PLSCR5: variants seen among roughly 807,000 people sequenced by gnomAD.
The protein encoded by PLSCR5 is phospholipid scramblase family, member 5.
Under a neutral mutation model 33.6 loss-of-function variants are expected in PLSCR5, and 44 were observed. The observed-to-expected ratio is 1.31, with a 90% confidence interval of 1.03 to 1.69. The LOEUF is 1.69. Ranked by LOEUF, PLSCR5 falls within the 40% of genes most tolerant of loss-of-function variation. The pLI is 0.00. For missense variants in PLSCR5, 375 were observed against 318.7 expected, an observed-to-expected ratio of 1.18 and a Z score of -1.34; for synonymous variants, 148 against 112.3, an observed-to-expected ratio of 1.32 and a Z score of -2.01.
intron 1 of PLSCR5, 37 bp from the exon 2 acceptor site, chr3:146,600,500 T>A (rs1179388098): frequency 6.7e-7 from 1 of 1,502,308 alleles, no homozygotes; most frequent in Admixed American, 2.0e-5. Flanking sequence ...ATATTTAAAT[T>A]TAGGCCATTT....
At chr3:146,599,442 C>T (rs993340162) in intron 2 of PLSCR5, among the ~76,000 whole-genome samples, 1 of 151,942 alleles carries the variant, frequency 6.6e-6, no homozygotes, top group South Asian at 2.1e-4. Context: ...CCTCTCTCTC[C>T]TCTATACACC....
At chr3:146,591,365 T>C (rs1295823166) in intron 5 of PLSCR5, among the ~76,000 whole-genome samples, 1 of 152,064 alleles carries the variant, frequency 6.6e-6, no homozygotes, top group Non-Finnish European at 1.5e-5. Context: ...ATCAAAGAGA[T>C]ATAGTAGCTT....
intron 5 of PLSCR5, among the ~76,000 whole-genome samples, chr3:146,591,464 T>C (rs776264628): frequency 2.6e-5 from 4 of 152,024 alleles, no homozygotes; most frequent in Non-Finnish European, 5.9e-5. Flanking sequence ...ATACTTACAC[T>C]GGTCTATGAC....
chr3:146,604,560 C>A (rs368213452), intron 1 of PLSCR5, among the ~76,000 whole-genome samples: 9 of 151,926 alleles, frequency 5.9e-5, no homozygotes, highest in Non-Finnish European at 1.0e-4. Flanking sequence ...TCAATAATAA[C>A]GCATGTCAGA....
chr3:146,600,419 C>T lies in PLSCR5; in HGVS notation c.58G>A (p.Ala20Thr). 6 of 1,604,340 alleles carry T rather than the reference C, an allele frequency of 3.7e-6. No homozygotes were observed. Among genetic ancestry groups the T allele is most frequent in the Non-Finnish European group, 5.1e-6 (6 of 1,174,124 alleles). The change falls in exon 2 of 8, where the codon GCT becomes ACT. Residue 20 changes from alanine (A) to threonine (T), a missense_variant. Transcript: ENST00000443512. The part of the protein sequence containing the change: ...RRGLPGFLPG[A>T]PDPDQSLPAS... ...GGAAGGCTTTGGTCTGGGTCTGGAG[C>T]TCCAGGAAGAAAACCAGGCAGACCT... is the stretch of plus-strand genomic sequence containing the variant.
At chr3:146,589,912 ATT>A (rs1576818673) in intron 5 of PLSCR5, 98 bp from the exon 6 acceptor site, 1 of 722,906 alleles carries the variant, frequency 1.4e-6, no homozygotes, top group East Asian at 2.9e-5. Flanking sequence ...GAATTATTTT[ATT>A]TGTCATCTTC....
chr3:146,576,902 C>T lies in PLSCR5; in HGVS notation c.*45-177G>A, dbSNP rs528105932. ...AGTTTTGAAAGCCAAATTTTGAATC[C>T]GGAATTAAAAATAAAAGTTATACTA... is the stretch of plus-strand genomic sequence containing the variant. On this transcript the variant is annotated intron_variant, in intron 7 of 7. Coordinates refer to the PLSCR5 transcript ENST00000482567. 1.5e-4 allele frequency among the ~76,000 whole-genome samples: 23 copies of T among 151,498 alleles called. No homozygotes were observed. The South Asian group carries it at 3.5e-3, about 23-fold the overall frequency.
intron 4 of PLSCR5, among the ~76,000 whole-genome samples, chr3:146,592,464 G>T (rs548014957): frequency 2.2e-4 from 33 of 152,094 alleles, no homozygotes; most frequent in Middle Eastern, 3.4e-3. Context: ...GCATTATCCG[G>T]CATTACTTTA....
chr3:146,593,201 C>T (rs1490200523), intron 4 of PLSCR5, among the ~76,000 whole-genome samples: 1 of 152,082 alleles, frequency 6.6e-6, no homozygotes, highest in Non-Finnish European at 1.5e-5. Flanking sequence ...TAGTCACCTC[C>T]ACTCTCCTTC....
In PLSCR5 at chr3:146,605,192, A is replaced by T; in HGVS notation, c.13+8T>A. On this transcript the variant is annotated splice_region_variant and intron_variant, in intron 1 of 7. Coordinates refer to ENST00000443512, the MANE Select transcript of PLSCR5 (RefSeq NM_001085420.2). Reference sequence around the variant, plus strand: ...AAAAAGTTATTAGTTGGTTATATTTACTCTTACCTTTAGAGGCCATGAAGA... The same window carrying T: ...AAAAAGTTATTAGTTGGTTATATTTTCTCTTACCTTTAGAGGCCATGAAGA... 1 of 1,608,588 alleles carries T rather than the reference A, an allele frequency of 6.2e-7. No homozygotes were observed. Among genetic ancestry groups the T allele is most frequent in the Non-Finnish European group, 8.5e-7 (1 of 1,176,442 alleles).
downstream of PLSCR5, among the ~76,000 whole-genome samples, chr3:146,585,345 G>A (rs546677491): frequency 1.3e-5 from 2 of 152,036 alleles, no homozygotes; most frequent in East Asian, 3.9e-4. Context: ...GGTCTTAGAG[G>A]TCTATTTATA....
intron 2 of PLSCR5, among the ~76,000 whole-genome samples, chr3:146,596,520 A>G (rs1039006756): frequency 6.6e-6 from 1 of 152,180 alleles, no homozygotes; most frequent in African/African-American, 2.4e-5. Flanking sequence ...TCTGATATTC[A>G]GTACTTGAAG....
rs567919638 is a variant in PLSCR5, at chr3:146,590,268, T to C, written c.616-454A>G. ...AATTAAATTAATTTCTAGGCATAATTTGTAAACTTTCAAATTTCAGTTGCT... is the reference window on the plus strand; with the variant it reads ...AATTAAATTAATTTCTAGGCATAATCTGTAAACTTTCAAATTTCAGTTGCT... On this transcript the variant is annotated intron_variant, in intron 5 of 7. Coordinates refer to ENST00000443512, the MANE Select transcript of PLSCR5 (RefSeq NM_001085420.2). 3 of 152,330 alleles carry C rather than the reference T, an allele frequency of 2.0e-5. No homozygotes were observed. In the South Asian group the frequency reaches 6.2e-4, roughly 32 times the overall value. The allele number at this position is 152,330 out of a possible 1,614,324, so 9.4% of individuals were successfully genotyped here. A position where few individuals can be genotyped will look rare whatever the true frequency, so the allele number is the denominator to read the frequency against.
At chr3:146,588,752 AC>A (rs767323022) in intron 6 of PLSCR5, among the ~76,000 whole-genome samples, 1 of 152,128 alleles carries the variant, frequency 6.6e-6, no homozygotes, top group Non-Finnish European at 1.5e-5. Context: ...TTAGTGCCTG[AC>A]TTTGACAATA....
At chr3:146,588,632 T>G (rs187038694) in intron 6 of PLSCR5, among the ~76,000 whole-genome samples, 2 of 152,108 alleles carry the variant, frequency 1.3e-5, no homozygotes, top group East Asian at 3.9e-4. Context: ...TGTGACAAAA[T>G]GGACATACTT....
chr3:146,597,378 G>T, intron 2 of PLSCR5, among the ~76,000 whole-genome samples: 1 of 152,100 alleles, frequency 6.6e-6, no homozygotes, highest in East Asian at 1.9e-4. Flanking sequence ...CACCATCACA[G>T]AACTTGTAAA....
intron 7 of PLSCR5, among the ~76,000 whole-genome samples, chr3:146,578,666 T>C (rs763577973): frequency 4.6e-5 from 7 of 152,120 alleles, no homozygotes; most frequent in Admixed American, 3.9e-4. Context: ...AGATGAGAAA[T>C]GTTTGTAAGA....
At chr3:146,585,381 T>A (rs1412701718), downstream of PLSCR5, among the ~76,000 whole-genome samples, 5 of 152,044 alleles carry the variant, frequency 3.3e-5, no homozygotes, top group Non-Finnish European at 7.4e-5. Flanking sequence ...CTGGCATGAG[T>A]AGGTATTTAA....
At chr3:146,579,944 T>TG (rs1171637760) in intron 7 of PLSCR5, among the ~76,000 whole-genome samples, 1 of 152,180 alleles carries the variant, frequency 6.6e-6, no homozygotes, top group East Asian at 1.9e-4. Flanking sequence ...TGTGCCTTTG[T>TG]TTGTGCTGTG....
Sources: allele counts gnomAD v4.1 joint callset (sites outside exome capture counted in the v4.1 genomes callset), GRCh38; gene constraint gnomAD v4.1.1; transcripts MANE v1.5; gene names NCBI Gene and HGNC (gene_info 2026-07-23, HGNC 2026-07-21).